PLCE1: variants seen among roughly 807,000 people sequenced by gnomAD.
PLCE1 encodes the protein phospholipase C epsilon 1.
A neutral mutation model predicts 242.8 loss-of-function variants in PLCE1; 119 were observed. The ratio of observed to expected loss-of-function variants is 0.49; its 90% CI spans 0.42 to 0.57. PLCE1 has a LOEUF of 0.57. PLCE1 is among the 20% of genes least tolerant of loss of function. The pLI, the probability that PLCE1 is intolerant of heterozygous loss-of-function variation, is 0.00. For synonymous variants in PLCE1, 945 were observed against 1,017.4 expected (o/e 0.93, Z 1.35); for missense variants, 2,441 against 2,788.8 (o/e 0.88, Z 2.81).
At chr10:94,037,368 G>C (rs1263516446) in intron 2 of PLCE1, among the ~76,000 whole-genome samples, 1 of 152,150 alleles carries the variant, frequency 6.6e-6, no homozygotes, top group Non-Finnish European at 1.5e-5. Flanking sequence ...AATATCCATT[G>C]AGCCCCACTG....
chr10:94,316,715 G>C lies in PLCE1; in HGVS notation c.6301G>C (p.Glu2101Gln). Reference sequence around the variant, plus strand: ...AATTTTAAGCAGCTGGTTTCCAGAAGAGGGATACATGGGCAGGATTGTCTT... The same window carrying C: ...AATTTTAAGCAGCTGGTTTCCAGAACAGGGATACATGGGCAGGATTGTCTT... The part of the protein sequence containing the change: ...MQILSSWFPE[E>Q]GYMGRIVLKT... The change falls in exon 29 of 33, where the codon GAG becomes CAG. Residue 2101 changes from glutamate to glutamine, a missense_variant. By Grantham distance (29) the Glu-to-Gln change is conservative. Around this residue, in one of 5 missense-constraint regions of PLCE1, gnomAD observed 310 missense variants for 317.2 expected, o/e 0.98. Transcript: ENST00000371380. 1 of 1,614,082 alleles carries C rather than the reference G, an allele frequency of 6.2e-7. No homozygotes were observed.
chr10:94,121,475 G>C (rs2046296257), intron 2 of PLCE1, among the ~76,000 whole-genome samples: 1 of 152,206 alleles, frequency 6.6e-6, no homozygotes, highest in African/African-American at 2.4e-5. Flanking sequence ...GAGGTCCTCA[G>C]GCCAGCAGGC....
chr10:94,254,884 T>A lies in PLCE1; in HGVS notation c.3398-9T>A, dbSNP rs1457752794. On this transcript the variant is annotated splice_polypyrimidine_tract_variant and intron_variant, in intron 10 of 32. Transcript: ENST00000371380. ...GTCATTCTCTCTTTTCTGTCTTTCA[T>A]CCTCACAGAGGTGAATGCCATCGCT... is the stretch of plus-strand genomic sequence containing the variant. The A allele has an allele frequency of 6.2e-7, 1 of 1,613,882 alleles. No homozygotes were observed. Among genetic ancestry groups the A allele is most frequent in the South Asian group, 1.1e-5 (1 of 91,078 alleles).
At chr10:94,190,329 C>G (rs1476180130) in intron 4 of PLCE1, among the ~76,000 whole-genome samples, 1 of 152,094 alleles carries the variant, frequency 6.6e-6, no homozygotes, top group Non-Finnish European at 1.5e-5. Flanking sequence ...TGAATCCTGG[C>G]TGGGCACTGT....
At chr10:94,068,796 G>T (rs4918070) in intron 2 of PLCE1, among the ~76,000 whole-genome samples, 61,786 of 152,098 alleles carry the variant, frequency 0.41, 16,073 homozygotes, top group African/African-American at 0.75. Context: ...GAGACAGGAT[G>T]TAGAGCCAGG....
chr10:94,225,846 A>G (rs115409930), intron 4 of PLCE1, among the ~76,000 whole-genome samples: 15 of 152,342 alleles, frequency 9.8e-5, no homozygotes, highest in African/African-American at 3.4e-4. Context: ...TTATCCACTT[A>G]CAGGCAGTAT....
At chr10:94,299,410 G>C (rs1305717832) in intron 24 of PLCE1, among the ~76,000 whole-genome samples, 1 of 152,178 alleles carries the variant, frequency 6.6e-6, no homozygotes, top group Non-Finnish European at 1.5e-5. Context: ...TGGTTAATTT[G>C]TTCAAGGTTG....
intron 2 of PLCE1, among the ~76,000 whole-genome samples, chr10:94,053,677 G>A (rs1303869150): frequency 6.6e-6 from 1 of 152,186 alleles, no homozygotes; most frequent in African/African-American, 2.4e-5. Flanking sequence ...CCAGAGTGAG[G>A]TCTCTGCCTC....
chr10:94,291,814 A>G (rs1185844947), intron 22 of PLCE1, among the ~76,000 whole-genome samples: 2 of 152,202 alleles, frequency 1.3e-5, no homozygotes, highest in African/African-American at 2.4e-5. Flanking sequence ...AAGTGAGCCA[A>G]CGGGGTAGAT....
chr10:94,233,924 G>A lies in PLCE1; in HGVS notation c.1956-130G>A, dbSNP rs2050230241. Reference sequence around the variant, plus strand: ...GATCGCACCACTGCACTCCAGCCTGGGCAACAGAGTGAGACTCCACCTAAA... The same window carrying A: ...GATCGCACCACTGCACTCCAGCCTGAGCAACAGAGTGAGACTCCACCTAAA... On this transcript the variant is annotated intron_variant, in intron 5 of 32. Coordinates refer to ENST00000371380, the MANE Select transcript of PLCE1 (RefSeq NM_016341.4). 4 of 802,168 alleles carry A rather than the reference G, an allele frequency of 5.0e-6. No individual in the cohort carries two copies. In the East Asian group the frequency reaches 1.1e-4, roughly 21 times the overall value. The allele number at this position is 802,168 out of a possible 1,614,324, so 49.7% of individuals were successfully genotyped here.
At chr10:94,271,724 A>G (rs535206344) in intron 18 of PLCE1, among the ~76,000 whole-genome samples, 1 of 152,132 alleles carries the variant, frequency 6.6e-6, no homozygotes, top group Non-Finnish European at 1.5e-5. Flanking sequence ...AGGGTATGAT[A>G]ATGTATCAGG....
chr10:94,315,184 T>C, intron 28 of PLCE1: 1 of 326,098 alleles, frequency 3.1e-6, no homozygotes, highest in Non-Finnish European at 6.0e-6. Context: ...TTTCATCATT[T>C]ATAGACCAAG....
At chr10:94,186,651 C>G (rs527758243) in intron 4 of PLCE1, among the ~76,000 whole-genome samples, 1 of 152,304 alleles carries the variant, frequency 6.6e-6, no homozygotes, top group African/African-American at 2.4e-5. Flanking sequence ...GTTGGCCTAA[C>G]AGAACATTTT....
At chr10:94,132,631 G>C in intron 3 of PLCE1, among the ~76,000 whole-genome samples, 172 bp downstream of exon 3, 1 of 152,028 alleles carries the variant, frequency 6.6e-6, no homozygotes. Context: ...AATCCCCTAA[G>C]GTGTCAACAT....
intron 4 of PLCE1, among the ~76,000 whole-genome samples, chr10:94,203,126 T>C (rs2049034712): frequency 1.3e-5 from 2 of 152,342 alleles, no homozygotes; most frequent in South Asian, 4.1e-4. Context: ...TTGGAAAACT[T>C]AGAACTTAGA....
rs143111659 is a variant in PLCE1 at position 94,000,172 on chromosome 10, G to A, written c.-365+5914G>A. Among the ~76,000 whole-genome samples, 9 of 152,316 alleles carry A rather than the reference G, an allele frequency of 5.9e-5. No individual in the cohort carries two copies. The East Asian group carries it at 1.7e-3, about 29-fold the overall frequency. On this transcript the variant is annotated intron_variant, in intron 1 of 32. Coordinates refer to ENST00000371380, the MANE Select transcript of PLCE1 (RefSeq NM_016341.4). ...GTTTGAGATTTTGCGTGAAAGAGGG[G>A]CTCTATTGTTAGACAAAGAGACAAG...
At chr10:94,105,620 C>G (rs1461542706) in intron 2 of PLCE1, 1 of 152,128 alleles carries the variant, frequency 6.6e-6, no homozygotes, top group Non-Finnish European at 1.5e-5. Context: ...TCACTCACTC[C>G]CACTCATGTA....
chr10:94,165,425 G>A (rs886118008), intron 3 of PLCE1, among the ~76,000 whole-genome samples: 16 of 152,284 alleles, frequency 1.1e-4, no homozygotes, highest in Non-Finnish European at 1.6e-4. Context: ...AGGACCCTCC[G>A]AGCCAGGCGT....
intron 22 of PLCE1, among the ~76,000 whole-genome samples, chr10:94,291,253 C>T (rs937160647): frequency 2.0e-5 from 3 of 152,028 alleles, no homozygotes; most frequent in East Asian, 1.9e-4. Context: ...CCTCCCAAGT[C>T]GCTGGGACTA....
Sources: allele counts gnomAD v4.1 joint callset (sites outside exome capture counted in the v4.1 genomes callset), GRCh38; gene constraint gnomAD v4.1.1; regional missense constraint gnomAD v4.1.1; transcripts MANE v1.5; gene names NCBI Gene and HGNC (gene_info 2026-07-23, HGNC 2026-07-21).